ZBTB7C: variants seen among roughly 807,000 people sequenced by gnomAD.
The protein encoded by ZBTB7C is zinc finger and BTB domain-containing protein 7C.
ZBTB7C carries 8 observed loss-of-function variants against 25.7 expected under a neutral mutation model. The observed-to-expected ratio is 0.31, with a 90% confidence interval of 0.18 to 0.56. ZBTB7C has a LOEUF of 0.56. Among genes scored for constraint, ZBTB7C ranks in the 20% least tolerant of loss-of-function variants. The pLI is 0.91. For synonymous variants in ZBTB7C, 394 were observed against 369.0 expected (o/e 1.07, Z -0.78); for missense variants, 824 against 855.2 (o/e 0.96, Z 0.46).
chr18:48,096,897 G>C (rs1045545770), intron 3 of ZBTB7C, among the ~76,000 whole-genome samples: 2 of 152,188 alleles, frequency 1.3e-5, no homozygotes, highest in Non-Finnish European at 2.9e-5. Context: ...TCCCGAAAGG[G>C]AAGTCTGAGT....
At chr18:48,398,180 C>T (rs2145297875) in intron 1 of ZBTB7C, among the ~76,000 whole-genome samples, 1 of 152,358 alleles carries the variant, frequency 6.6e-6, no homozygotes, top group Admixed American at 6.5e-5. Context: ...GCTGTGTACA[C>T]ACAGGGACAA....
chr18:48,101,189 G>A (rs1033589017), intron 3 of ZBTB7C, among the ~76,000 whole-genome samples: 2 of 152,134 alleles, frequency 1.3e-5, no homozygotes, highest in Admixed American at 1.3e-4. Context: ...CATTCTCAGA[G>A]CTGCCTGCCT....
intron 1 of ZBTB7C, among the ~76,000 whole-genome samples, chr18:48,371,816 C>T (rs2047395494): frequency 6.6e-6 from 1 of 152,162 alleles, no homozygotes. Context: ...ATTTCATTAC[C>T]CTGGAAGGTA....
chr18:48,295,673 G>T (rs1568359484), intron 2 of ZBTB7C, among the ~76,000 whole-genome samples: 1 of 152,158 alleles, frequency 6.6e-6, no homozygotes, highest in Non-Finnish European at 1.5e-5. Context: ...TACTGGCCTG[G>T]CTCACTTTGG....
At chr18:48,212,796 G>A (rs532707108) in intron 2 of ZBTB7C, among the ~76,000 whole-genome samples, 1 of 152,270 alleles carries the variant, frequency 6.6e-6, no homozygotes, top group East Asian at 1.9e-4. Flanking sequence ...GACAAGGGGG[G>A]ATTGGGCTGG....
chr18:48,086,620 G>A (rs569854475), intron 3 of ZBTB7C, among the ~76,000 whole-genome samples: 22 of 152,274 alleles, frequency 1.4e-4, no homozygotes, highest in South Asian at 1.0e-3. Context: ...AAAGAGTACC[G>A]CCTGTTCAGG....
At chr18:48,120,665 G>C (rs1455798373) in intron 3 of ZBTB7C, among the ~76,000 whole-genome samples, 1 of 152,234 alleles carries the variant, frequency 6.6e-6, no homozygotes, top group African/African-American at 2.4e-5. Flanking sequence ...GTAGGAACTA[G>C]TGCTAGCAGG....
At chr18:48,210,486 G>A (rs1260185978) in intron 2 of ZBTB7C, among the ~76,000 whole-genome samples, 1 of 152,156 alleles carries the variant, frequency 6.6e-6, no homozygotes, top group African/African-American at 2.4e-5. Flanking sequence ...GCCTTAAAAA[G>A]GAATGAAGTT....
At chr18:48,328,899 C>T (rs2144897799) in intron 2 of ZBTB7C, among the ~76,000 whole-genome samples, 1 of 152,350 alleles carries the variant, frequency 6.6e-6, no homozygotes, top group Non-Finnish European at 1.5e-5. Flanking sequence ...CAGCCATTGA[C>T]TGATGGAAGA....
chr18:48,068,551 T>G (rs1451526814), intron 3 of ZBTB7C, among the ~76,000 whole-genome samples: 1 of 151,732 alleles, frequency 6.6e-6, no homozygotes, highest in Non-Finnish European at 1.5e-5. Flanking sequence ...CCAGACAAGT[T>G]GAATTAGACT....
intron 3 of ZBTB7C, among the ~76,000 whole-genome samples, chr18:48,109,233 A>G (rs1314401498): frequency 1.3e-5 from 2 of 152,176 alleles, no homozygotes; most frequent in Non-Finnish European, 2.9e-5. Flanking sequence ...CAAGCACTGC[A>G]GACCCTGAGT....
chr18:48,064,764 C>T (rs1023258182), intron 3 of ZBTB7C, among the ~76,000 whole-genome samples: 2 of 151,972 alleles, frequency 1.3e-5, no homozygotes, highest in Non-Finnish European at 2.9e-5. Flanking sequence ...AGAAAAATGG[C>T]AATAGGAACA....
chr18:48,250,376 GT>G (rs1240846307), intron 2 of ZBTB7C, among the ~76,000 whole-genome samples: 1 of 152,014 alleles, frequency 6.6e-6, no homozygotes, highest in East Asian at 1.9e-4. Flanking sequence ...ACTTTCCTCC[GT>G]TGTAGAAAAG....
chr18:48,187,820 C>CAA (rs919402026), intron 2 of ZBTB7C, among the ~76,000 whole-genome samples: 7,830 of 73,144 alleles, frequency 0.11, 758 homozygotes, highest in Admixed American at 0.21. Context: ...GACCCCGTCT[C>CAA]AAAAAAAAAA....
chr18:48,117,418 T>C (rs1001415108), intron 3 of ZBTB7C, among the ~76,000 whole-genome samples: 5 of 152,208 alleles, frequency 3.3e-5, no homozygotes, highest in Non-Finnish European at 7.3e-5. Context: ...CCTGCCATAC[T>C]GAGAGGCAGC....
intron 3 of ZBTB7C, among the ~76,000 whole-genome samples, chr18:48,154,194 G>C (rs1410491223): frequency 2.0e-5 from 3 of 152,202 alleles, no homozygotes; most frequent in East Asian, 3.9e-4. Context: ...GGCGTGACCA[G>C]GGGTCAGGAA....
At chr18:48,058,966 C>T (rs2144308484) in intron 3 of ZBTB7C, among the ~76,000 whole-genome samples, 1 of 152,318 alleles carries the variant, frequency 6.6e-6, no homozygotes, top group South Asian at 2.1e-4. Context: ...ACCTCCAGTC[C>T]CAGTCACCTT....
At chr18:48,180,260 G>A in intron 3 of ZBTB7C, 1 of 418,888 alleles carries the variant, frequency 2.4e-6, no homozygotes, top group Non-Finnish European at 4.8e-6. Context: ...CCATTTCCTT[G>A]AGCAATCCTA....
chr18:48,033,334 A>G (rs2035841068), intron 4 of ZBTB7C, among the ~76,000 whole-genome samples: 2 of 152,212 alleles, frequency 1.3e-5, no homozygotes, highest in South Asian at 4.1e-4. Context: ...TTTGTAAGCT[A>G]TTCTGGGGAT....
Sources: allele counts gnomAD v4.1 joint callset (sites outside exome capture counted in the v4.1 genomes callset), GRCh38; gene constraint gnomAD v4.1.1; transcripts MANE v1.5; gene names NCBI Gene and HGNC (gene_info 2026-07-23, HGNC 2026-07-21).